Variants in KIAA1217 observed in about 807,000 individuals in gnomAD.
KIAA1217 encodes the protein sickle tail protein homolog.
KIAA1217 carries 88 observed loss-of-function variants against 163.9 expected under a neutral mutation model. The ratio of observed to expected loss-of-function variants is 0.54; its 90% CI spans 0.45 to 0.64. The LOEUF (loss-of-function observed/expected upper bound fraction) is 0.64, where lower values mean the gene tolerates loss of function less well. Among genes scored for constraint, KIAA1217 ranks in the 30% least tolerant of loss-of-function variants. The pLI, the probability that KIAA1217 is intolerant of heterozygous loss-of-function variation, is 0.00. For missense variants in KIAA1217, 2,372 were observed against 2,475.0 expected, an observed-to-expected ratio of 0.96 and a Z score of 0.88; for synonymous variants, 903 against 923.1, an observed-to-expected ratio of 0.98 and a Z score of 0.39.
chr10:24,026,522 T>A (rs1847943617), intron 2 of KIAA1217, among the ~76,000 whole-genome samples: 1 of 151,936 alleles, frequency 6.6e-6, no homozygotes, highest in Admixed American at 6.6e-5. Flanking sequence ...TTGTAAATTT[T>A]ATATATGTTT....
intron 6 of KIAA1217, among the ~76,000 whole-genome samples, chr10:24,485,088 G>A (rs1440038426): frequency 2.2e-5 from 3 of 133,616 alleles, no homozygotes; most frequent in East Asian, 2.3e-4. Context: ...GGACCTGCCC[G>A]CTTTTTTTTT....
intron 1 of KIAA1217, among the ~76,000 whole-genome samples, chr10:23,884,485 T>G (rs1012571796): frequency 1.3e-5 from 2 of 151,984 alleles, no homozygotes; most frequent in Non-Finnish European, 2.9e-5. Context: ...GTCTAACGAT[T>G]GCTGACATGT....
intron 2 of KIAA1217, among the ~76,000 whole-genome samples, chr10:24,014,014 G>A (rs1186392557): frequency 6.6e-6 from 1 of 152,112 alleles, no homozygotes; most frequent in African/African-American, 2.4e-5. Context: ...ATTAATGTGT[G>A]TACAATGTCA....
At chr10:24,511,395 C>A (rs1047725490) in intron 9 of KIAA1217, among the ~76,000 whole-genome samples, 3 of 152,078 alleles carry the variant, frequency 2.0e-5, no homozygotes, top group Non-Finnish European at 2.9e-5. Context: ...GTAATCCCAG[C>A]ACTTTGGAAG....
chr10:24,265,599 C>G (rs1050063300), intron 2 of KIAA1217, among the ~76,000 whole-genome samples: 1 of 152,146 alleles, frequency 6.6e-6, no homozygotes, highest in African/African-American at 2.4e-5. Context: ...TGTCTTCTTC[C>G]TCTCTTAATG....
chr10:24,489,725 G>A (rs1233541929), intron 6 of KIAA1217, among the ~76,000 whole-genome samples: 2 of 151,810 alleles, frequency 1.3e-5, no homozygotes, highest in Non-Finnish European at 2.9e-5. Context: ...TTAGCCAGGC[G>A]TGGTGGTGCA....
chr10:24,139,223 T>A (rs1164437105), intron 2 of KIAA1217, among the ~76,000 whole-genome samples: 1 of 152,166 alleles, frequency 6.6e-6, no homozygotes, highest in Non-Finnish European at 1.5e-5. Flanking sequence ...GTTTATTGAA[T>A]GTTCCCATTT....
At chr10:23,877,041 G>A (rs187947359) in intron 1 of KIAA1217, among the ~76,000 whole-genome samples, 110 of 152,052 alleles carry the variant, frequency 7.2e-4, no homozygotes, top group Non-Finnish European at 1.3e-3. Flanking sequence ...TTTAAAAACC[G>A]TGGTATTAGT....
At chr10:24,224,165 G>A (rs1214844395) in intron 2 of KIAA1217, among the ~76,000 whole-genome samples, 2 of 152,116 alleles carry the variant, frequency 1.3e-5, no homozygotes, top group African/African-American at 2.4e-5. Context: ...AGCTGTGATC[G>A]TTAAGGACTC....
chr10:23,811,959 C>T (rs1001951360), intron 1 of KIAA1217, among the ~76,000 whole-genome samples: 1 of 152,062 alleles, frequency 6.6e-6, no homozygotes, highest in Non-Finnish European at 1.5e-5. Context: ...GTAGTGCATG[C>T]CTACAGTCCC....
chr10:23,898,803 A>G (rs1184166119), intron 1 of KIAA1217, among the ~76,000 whole-genome samples: 6 of 152,014 alleles, frequency 3.9e-5, no homozygotes, highest in African/African-American at 1.2e-4. Context: ...TGACTACTCT[A>G]TATACATTTA....
chr10:23,729,233 A>G (rs966296224), intron 1 of KIAA1217, among the ~76,000 whole-genome samples: 19 of 152,334 alleles, frequency 1.2e-4, no homozygotes, highest in African/African-American at 4.6e-4. Flanking sequence ...AGGCTTGGCA[A>G]TTATGAATAA....
At chr10:24,261,685 T>C (rs2075742849) in intron 2 of KIAA1217, among the ~76,000 whole-genome samples, 1 of 152,030 alleles carries the variant, frequency 6.6e-6, no homozygotes, top group Non-Finnish European at 1.5e-5. Flanking sequence ...GGTGATCCTC[T>C]TGTCGGGGAA....
At chr10:24,452,798 A>G (rs2061487318) in intron 5 of KIAA1217, among the ~76,000 whole-genome samples, 1 of 150,110 alleles carries the variant, frequency 6.7e-6, no homozygotes, top group African/African-American at 2.4e-5. Context: ...AGTATAGCTG[A>G]AATGTTGTAA....
intron 1 of KIAA1217, among the ~76,000 whole-genome samples, chr10:23,824,237 G>A (rs1289423831): frequency 3.9e-5 from 6 of 152,012 alleles, no homozygotes; most frequent in Non-Finnish European, 8.8e-5. Flanking sequence ...TCATGCCACT[G>A]TACTGCAGAC....
intron 2 of KIAA1217, among the ~76,000 whole-genome samples, chr10:24,024,753 A>G (rs1366195419): frequency 6.6e-6 from 1 of 151,674 alleles, no homozygotes; most frequent in Non-Finnish European, 1.5e-5. Context: ...AGCCATTCTA[A>G]TAATGTTTTA....
At chr10:24,342,319 G>C (rs943155483) in intron 2 of KIAA1217, among the ~76,000 whole-genome samples, 7 of 152,176 alleles carry the variant, frequency 4.6e-5, no homozygotes, top group Non-Finnish European at 8.8e-5. Context: ...GCAGCTGACA[G>C]CAGAAACAGG....
chr10:24,138,557 A>C (rs891842942), intron 2 of KIAA1217, among the ~76,000 whole-genome samples: 1 of 150,032 alleles, frequency 6.7e-6, no homozygotes, highest in Admixed American at 6.6e-5. Context: ...AGTTTTATTG[A>C]TGATACAGTT....
intron 1 of KIAA1217, among the ~76,000 whole-genome samples, chr10:23,716,337 C>A (rs1466247227): frequency 6.6e-6 from 1 of 152,102 alleles, no homozygotes; most frequent in Non-Finnish European, 1.5e-5. Context: ...GTTTCTTATG[C>A]ATACATTTTG....
Sources: allele counts gnomAD v4.1 joint callset (sites outside exome capture counted in the v4.1 genomes callset), GRCh38; gene constraint gnomAD v4.1.1; transcripts MANE v1.5; gene names NCBI Gene and HGNC (gene_info 2026-07-23, HGNC 2026-07-21).